The following ANO5 variants were observed in gnomAD, a reference collection of about 807,000 sequenced individuals.
ANO5 encodes the protein anoctamin 5, also known as anoctamin-5.
A neutral mutation model predicts 121.0 loss-of-function variants in ANO5; 109 were observed. The observed-to-expected ratio is 0.90, with a 90% CI of 0.77 to 1.06. ANO5 has a LOEUF of 1.06. Ranked by LOEUF, ANO5 falls within the 50% of genes least tolerant of loss-of-function variation. ANO5 has a pLI of 0.00. For synonymous variants in ANO5, 406 were observed against 359.9 expected (o/e 1.13, Z -1.45); for missense variants, 1,064 against 1,078.5 (o/e 0.99, Z 0.19).
At chr11:22,211,365 CT>C in intron 3 of ANO5, 51 bp downstream of exon 3, 2 of 1,552,266 alleles carry the variant, frequency 1.3e-6, no homozygotes. Context: ...AATGGGGCAT[CT>C]TTTTGTAGTC....
At chr11:22,243,164 G>T (rs1394914905) in intron 9 of ANO5, among the ~76,000 whole-genome samples, 2 of 151,912 alleles carry the variant, frequency 1.3e-5, no homozygotes, top group Non-Finnish European at 2.9e-5. Flanking sequence ...TTATTGAGAT[G>T]ATCATATGTT....
chr11:22,253,070 GAATA>G (rs1219221529), intron 12 of ANO5, among the ~76,000 whole-genome samples: 1 of 151,918 alleles, frequency 6.6e-6, no homozygotes, highest in African/African-American at 2.4e-5. Context: ...AATATATGTT[GAATA>G]AATAAATAAT....
intron 9 of ANO5, among the ~76,000 whole-genome samples, chr11:22,249,768 C>A (rs1853738934): frequency 6.6e-6 from 1 of 152,066 alleles, no homozygotes; most frequent in Non-Finnish European, 1.5e-5. Flanking sequence ...AAATGTATAT[C>A]TACAATGCGG....
chr11:22,265,263 C>T (rs1311318172), intron 17 of ANO5, among the ~76,000 whole-genome samples: 1 of 152,124 alleles, frequency 6.6e-6, no homozygotes, highest in Non-Finnish European at 1.5e-5. Context: ...ACACTATCAT[C>T]AGTTTCTCAT....
At chr11:22,243,825 GGGTGGTCT>G (rs1205060588) in intron 9 of ANO5, among the ~76,000 whole-genome samples, 1 of 152,132 alleles carries the variant, frequency 6.6e-6, no homozygotes, top group Non-Finnish European at 1.5e-5. Flanking sequence ...AATATAGCTA[GGGTGGTCT>G]GTCTTATTTA....
intron 17 of ANO5, 43 bp downstream of exon 17, chr11:22,263,086 T>G: frequency 6.7e-7 from 1 of 1,490,408 alleles, no homozygotes; most frequent in Non-Finnish European, 9.4e-7. Flanking sequence ...TAAGTAACCA[T>G]GAGATATTTC....
chr11:22,244,159 A>G (rs191420404), intron 9 of ANO5, among the ~76,000 whole-genome samples: 17 of 152,172 alleles, frequency 1.1e-4, no homozygotes, highest in African/African-American at 2.6e-4. Context: ...TCCTTCACTT[A>G]TGAAGCTTAG....
chr11:22,277,441 T>C (rs931493245), intron 21 of ANO5, among the ~76,000 whole-genome samples: 7 of 151,686 alleles, frequency 4.6e-5, no homozygotes, highest in African/African-American at 1.7e-4. Flanking sequence ...GTTTATACAC[T>C]AAATTACATA....
intron 3 of ANO5, among the ~76,000 whole-genome samples, chr11:22,213,891 T>TTTTTTG (rs138205458): frequency 2.0e-5 from 3 of 148,380 alleles, no homozygotes; most frequent in African/African-American, 7.7e-5. Context: ...GGTGTTTTGT[T>TTTTTTG]TTTTGTTTTG....
Position 22,273,081 on chromosome 11 carries a change from T to G in ANO5, c.2235+92T>G, listed in dbSNP as rs1199154246. On this transcript the variant is annotated intron_variant, in intron 19 of 21. Coordinates refer to ENST00000324559, the MANE Select transcript of ANO5 (RefSeq NM_213599.3). Reference sequence around the variant, plus strand: ...GATGCTTAATCTTTACATGATTTCATTATGGTGATACTTTATAAAGCTAAA... The same window carrying G: ...GATGCTTAATCTTTACATGATTTCAGTATGGTGATACTTTATAAAGCTAAA... The G allele has an allele frequency of 3.1e-6, 4 of 1,293,256 alleles. No individual in the cohort carries two copies. The East Asian group carries it at 9.2e-5, about 30-fold the overall frequency. The allele number at this position is 1,293,256 out of a possible 1,614,324, so 80.1% of individuals were successfully genotyped here.
chr11:22,192,985 G>C, upstream of ANO5: 5 of 985,352 alleles, frequency 5.1e-6, no homozygotes, highest in Non-Finnish European at 6.0e-6. Context: ...CGGTCTCCGA[G>C]GGTGGGGCGC....
chr11:22,272,408 G>A (rs1401664210), intron 18 of ANO5, among the ~76,000 whole-genome samples: 1 of 150,660 alleles, frequency 6.6e-6, no homozygotes, highest in East Asian at 2.0e-4. Flanking sequence ...AATTAGATGG[G>A]CTAGCAAGAT....
intron 5 of ANO5, among the ~76,000 whole-genome samples, chr11:22,222,203 A>C (rs931157187): frequency 2.0e-5 from 3 of 151,958 alleles, no homozygotes; most frequent in Non-Finnish European, 1.5e-5. Context: ...TGAGATTTAA[A>C]TCTCATCAGA....
At position 22,271,328 on chromosome 11, in the gene ANO5, G is replaced by A. The variant is rs184530444; in HGVS notation, c.2029+886G>A. ...CTCCCAAAGTGCTGGGATTACAGGC[G>A]TGAGCCACAGCGCCCAGCCAGGAAA... is the stretch of plus-strand genomic sequence containing the variant. On this transcript the variant is annotated intron_variant, in intron 18 of 21. Coordinates refer to ENST00000324559, the MANE Select transcript of ANO5 (RefSeq NM_213599.3). 6.1e-4 allele frequency among the ~76,000 whole-genome samples: 93 copies of A among 152,238 alleles called. 1 individual carries two copies. The East Asian group carries it at 0.017, about 28-fold the overall frequency.
intron 1 of ANO5, among the ~76,000 whole-genome samples, chr11:22,198,145 C>T (rs1403296872): frequency 2.0e-5 from 3 of 152,154 alleles, no homozygotes; most frequent in Admixed American, 1.3e-4. Context: ...TTGAATGTCC[C>T]GATGTTTCAC....
intron 9 of ANO5, among the ~76,000 whole-genome samples, chr11:22,243,228 C>CATCACATTTACTTATTTGAT (rs1853491155): frequency 6.6e-6 from 1 of 152,006 alleles, no homozygotes; most frequent in South Asian, 2.1e-4. Context: ...TACTTATTTG[C>CATCACATTTACTTATTTGAT]ACTTGTTGAA....
intron 7 of ANO5, among the ~76,000 whole-genome samples, chr11:22,231,128 G>A (rs1853026997): frequency 6.6e-6 from 1 of 151,876 alleles, no homozygotes; most frequent in Non-Finnish European, 1.5e-5. Context: ...AGAAGAATCA[G>A]AAGATTTTGA....
At chr11:22,227,733 GTCTAA>G (rs59330940) in intron 7 of ANO5, 147 bp downstream of exon 7, 1 of 1,006,474 alleles carries the variant, frequency 9.9e-7, no homozygotes, top group African/African-American at 1.6e-5. Flanking sequence ...GAGTTTGAAA[GTCTAA>G]TTAGACCACA....
In ANO5 at chr11:22,274,570, C is replaced by T. The variant is rs886042907; in HGVS notation, c.2237C>T (p.Ala746Val). Reference protein sequence around the residue: ...GMAVLSVATNAFIVAFTSDII... With the variant: ...GMAVLSVATNVFIVAFTSDII... ...CCTCTTTTTTTTTTTATTCTTCAGG[C>T]CTTTATTGTTGCATTTACGTCAGAC... The change falls in exon 20 of 22, where the codon GCC becomes GTC. Residue 746 changes from alanine (A) to valine (V), a missense_variant and splice_region_variant. Physicochemically the swap from Ala to Val is moderately conservative, Grantham distance 64. Coordinates refer to ENST00000324559, the MANE Select transcript of ANO5 (RefSeq NM_213599.3). The T allele has an allele frequency of 1.3e-6, 2 of 1,592,042 alleles. No individual in the cohort carries two copies. Among genetic ancestry groups the T allele is most frequent in the Non-Finnish European group, 8.6e-7 (1 of 1,167,560 alleles).
Sources: allele counts gnomAD v4.1 joint callset (sites outside exome capture counted in the v4.1 genomes callset), GRCh38; gene constraint gnomAD v4.1.1; transcripts MANE v1.5; gene names NCBI Gene and HGNC (gene_info 2026-07-23, HGNC 2026-07-21).